Variants in EPHA4 observed in about 807,000 individuals in gnomAD.
EPHA4 encodes EPH receptor A4, also known as ephrin type-A receptor 4.
EPHA4 carries 19 observed loss-of-function variants against 108.3 expected under a neutral mutation model. The ratio of observed to expected loss-of-function variants is 0.18; its 90% CI spans 0.12 to 0.26. The LOEUF is 0.26. Among genes scored for constraint, EPHA4 ranks in the 10% least tolerant of loss-of-function variants. EPHA4 has a pLI of 1.00. For synonymous variants in EPHA4, 449 were observed against 455.5 expected (o/e 0.99, Z 0.18); for missense variants, 917 against 1,254.0 (o/e 0.73, Z 4.06).
intron 4 of EPHA4, among the ~76,000 whole-genome samples, 167 bp from the exon 5 acceptor site, chr2:221,482,857 T>C (rs1691866173): frequency 6.6e-6 from 1 of 152,148 alleles, no homozygotes; most frequent in South Asian, 2.1e-4. Context: ...AAGAACAATA[T>C]AATAGAAGGC....
chr2:221,473,753 C>T (rs372403824), intron 5 of EPHA4, among the ~76,000 whole-genome samples: 4 of 151,954 alleles, frequency 2.6e-5, no homozygotes, highest in East Asian at 3.9e-4. Context: ...ATTGGAAACC[C>T]TTGCTAGCCC....
At chr2:221,572,432 A>C (rs7581842), upstream of EPHA4, 14,182 of 492,794 alleles carry the variant, frequency 0.029, 1,700 homozygotes, top group African/African-American at 0.26. Context: ...GCCTTCACCG[A>C]GCAGGGCCCG....
chr2:221,570,462 A>G (rs1694797462), intron 1 of EPHA4, among the ~76,000 whole-genome samples: 1 of 152,172 alleles, frequency 6.6e-6, no homozygotes, highest in South Asian at 2.1e-4. Flanking sequence ...CAGGGGAATG[A>G]ATAACCCTAG....
chr2:221,474,422 T>TAAAAAAA, intron 5 of EPHA4, among the ~76,000 whole-genome samples: 1 of 143,964 alleles, frequency 6.9e-6, no homozygotes, highest in South Asian at 2.2e-4. Flanking sequence ...GACTGTTTCT[T>TAAAAAAA]AAAAAAAAAA....
At chr2:221,491,012 C>T (rs1692127398) in intron 4 of EPHA4, among the ~76,000 whole-genome samples, 1 of 152,198 alleles carries the variant, frequency 6.6e-6, no homozygotes. Context: ...GCATCAATCA[C>T]TTGCTGCTGT....
chr2:221,456,937 A>G (rs1231061700), intron 6 of EPHA4, among the ~76,000 whole-genome samples, 165 bp from the exon 7 acceptor site: 1 of 152,140 alleles, frequency 6.6e-6, no homozygotes, highest in Admixed American at 6.5e-5. Flanking sequence ...TATAAGTACT[A>G]TTGTTACTTC....
chr2:221,448,349 G>A (rs1690663023), intron 8 of EPHA4, among the ~76,000 whole-genome samples: 1 of 152,050 alleles, frequency 6.6e-6, no homozygotes, highest in African/African-American at 2.4e-5. Flanking sequence ...CTCTCTTACT[G>A]GAGATTAGTT....
chr2:221,461,424 A>T (rs985492603), intron 5 of EPHA4, among the ~76,000 whole-genome samples: 4 of 149,972 alleles, frequency 2.7e-5, no homozygotes, highest in African/African-American at 7.3e-5. Context: ...ATATGGTTCA[A>T]TAAGAGCTCT....
Position 221,455,590 on chromosome 2 carries a change from C to T in EPHA4, c.1672G>A (p.Val558Met), listed in dbSNP as rs1251795181. The T allele has an allele frequency of 1.9e-6, 3 of 1,613,964 alleles. No homozygotes were observed. The highest frequency in any genetic ancestry group is 1.7e-4 in the Middle Eastern group (1 of 6,058). Reference sequence around the variant, plus strand: ...GCTGCAATGAGAATTACCACCAGCACCACACTGCCCGAGACAGAGACCAGA... The same window carrying T: ...GCTGCAATGAGAATTACCACCAGCATCACACTGCCCGAGACAGAGACCAGA... ...VLLVSVSGSV[V>M]LVVILIAAFV... Residue 558 changes from valine to methionine, a missense_variant, in exon 8 of 18, where the codon GTG becomes ATG. Physicochemically the swap from Val to Met is conservative, Grantham distance 21 (BLOSUM62 1). Coordinates refer to ENST00000281821, the MANE Select transcript of EPHA4 (RefSeq NM_004438.5).
At chr2:221,553,303 C>T (rs1024411426) in intron 3 of EPHA4, among the ~76,000 whole-genome samples, 8 of 152,176 alleles carry the variant, frequency 5.3e-5, no homozygotes, top group African/African-American at 1.9e-4. Context: ...GAAGAAGTCA[C>T]ATAAAAGAGA....
intron 4 of EPHA4, among the ~76,000 whole-genome samples, chr2:221,494,022 AGGCCCT>A (rs1157833476): frequency 6.6e-6 from 1 of 152,190 alleles, no homozygotes; most frequent in Non-Finnish European, 1.5e-5. Context: ...AGATTCGTAA[AGGCCCT>A]TCAAGTTGGC....
chr2:221,540,932 C>CTTTTT (rs762353327), intron 3 of EPHA4, among the ~76,000 whole-genome samples: 1 of 120,630 alleles, frequency 8.3e-6, no homozygotes, highest in Non-Finnish European at 1.7e-5. Context: ...GGAAAACTGT[C>CTTTTT]TTTTTTTTTT....
upstream of EPHA4, chr2:221,573,792 T>G (rs1694924340): frequency 1.3e-5 from 2 of 152,274 alleles, no homozygotes; most frequent in East Asian, 3.9e-4. This position sits in a 1 kb window ranked among gnomAD's most constrained non-coding sequence, Gnocchi z 4.5. Flanking sequence ...AGGTGGTGCG[T>G]GCGTTTGGGC....
intron 4 of EPHA4, among the ~76,000 whole-genome samples, chr2:221,500,534 T>G (rs1408921975): frequency 6.6e-6 from 1 of 152,220 alleles, no homozygotes; most frequent in Non-Finnish European, 1.5e-5. Context: ...TTATTAGGAT[T>G]GGGGCCTAAG....
intron 3 of EPHA4, among the ~76,000 whole-genome samples, chr2:221,561,197 G>A (rs968823110): frequency 6.6e-5 from 10 of 152,112 alleles, no homozygotes; most frequent in Non-Finnish European, 1.5e-4. Context: ...AGCCAAGATC[G>A]CGCCACTGCA....
chr2:221,547,643 C>G (rs1047815825), intron 3 of EPHA4, among the ~76,000 whole-genome samples: 5 of 152,186 alleles, frequency 3.3e-5, no homozygotes, highest in African/African-American at 1.2e-4. Context: ...TTACGGGGCA[C>G]TCTTAACAAG....
At position 221,547,743 on chromosome 2, in the gene EPHA4, T is replaced by C. The variant is rs536939919; in HGVS notation, c.823+15988A>G. Reference sequence around the variant, plus strand: ...AAGTTTCTTTCTAACAGTTCTCAAGTGTGTAAGCTGGAGCCAGTCTATCTG... The same window carrying C: ...AAGTTTCTTTCTAACAGTTCTCAAGCGTGTAAGCTGGAGCCAGTCTATCTG... On this transcript the variant is annotated intron_variant, in intron 3 of 17. Transcript: ENST00000281821. Among the ~76,000 whole-genome samples, 4 of 152,288 alleles carry C rather than the reference T, an allele frequency of 2.6e-5. No individual in the cohort carries two copies. In the South Asian group the frequency reaches 8.3e-4, roughly 32 times the overall value.
chr2:221,496,725 T>C (rs1210842727), intron 4 of EPHA4, among the ~76,000 whole-genome samples: 1 of 152,108 alleles, frequency 6.6e-6, no homozygotes, highest in Non-Finnish European at 1.5e-5. Flanking sequence ...CTGGCCAACA[T>C]GGTGAAACCC....
intron 4 of EPHA4, among the ~76,000 whole-genome samples, chr2:221,489,990 A>G (rs564454794): frequency 6.6e-6 from 1 of 152,000 alleles, no homozygotes; most frequent in South Asian, 2.1e-4. Context: ...TGCAAAAATT[A>G]TAAAAATTAG....
Sources: allele counts gnomAD v4.1 joint callset (sites outside exome capture counted in the v4.1 genomes callset), GRCh38; gene constraint gnomAD v4.1.1; non-coding constraint Gnocchi (gnomAD v3.1); transcripts MANE v1.5; gene names NCBI Gene and HGNC (gene_info 2026-07-23, HGNC 2026-07-21).